ACACA: variants seen among roughly 807,000 people sequenced by gnomAD.
ACACA encodes the protein acetyl-CoA carboxylase alpha, also known as acetyl-CoA carboxylase 1.
A neutral mutation model predicts 296.1 loss-of-function variants in ACACA; 103 were observed. The observed-to-expected ratio is 0.35, with a 90% CI of 0.30 to 0.41. ACACA has a LOEUF of 0.41. Ranked by LOEUF, ACACA falls within the 10% of genes least tolerant of loss-of-function variation. The probability of loss-of-function intolerance (pLI) is 1.00; values close to 1 mark genes in which losing one functional copy is unlikely to be tolerated. For missense variants in ACACA, 1,554 were observed against 2,989.7 expected (o/e 0.52, Z 11.20); for synonymous variants, 953 against 1,038.6 (o/e 0.92, Z 1.58).
At position 37,275,978 on chromosome 17, in the gene ACACA, T is replaced by C; in HGVS notation, c.874A>G (p.Ile292Val). Reference protein sequence around the residue: ...ASSIVAQTAGIPTLPWSGSGL... With the variant: ...ASSIVAQTAGVPTLPWSGSGL... Reference sequence around the variant, plus strand: ...CTGCCGCTCCAGGGAAGAGTTGGGATACCTGCAGTTTGAGCCACTATGGAA... The same window carrying C: ...CTGCCGCTCCAGGGAAGAGTTGGGACACCTGCAGTTTGAGCCACTATGGAA... Residue 292 changes from isoleucine (I) to valine (V), a missense_variant, in exon 8 of 56, where the codon ATC (isoleucine) becomes GTC (valine). Physicochemically the swap from Ile to Val is conservative, Grantham distance 29. This residue lies in a region of ACACA where 47 missense variants were observed against 55.4 expected (regional missense o/e 0.85). Transcript: ENST00000616317. 2 of 1,614,214 alleles carry C rather than the reference T, an allele frequency of 1.2e-6. No homozygotes were observed. The highest frequency in any genetic ancestry group is 1.7e-6 in the Non-Finnish European group (2 of 1,180,018).
intron 3 of ACACA, among the ~76,000 whole-genome samples, chr17:37,294,030 C>A (rs577234280): frequency 3.3e-5 from 5 of 151,844 alleles, no homozygotes; most frequent in African/African-American, 1.2e-4. Context: ...TCACCTAAAC[C>A]TAAGTAACAG....
chr17:37,189,392 G>A (rs1462436944), intron 38 of ACACA, among the ~76,000 whole-genome samples: 1 of 152,096 alleles, frequency 6.6e-6, no homozygotes, highest in Non-Finnish European at 1.5e-5. Context: ...AGTAGCATGT[G>A]CCACCCTTGC....
intron 4 of ACACA, 52 bp from the exon 5 acceptor site, chr17:37,283,457 A>C (rs770873369): frequency 1.9e-5 from 30 of 1,596,952 alleles, no homozygotes; most frequent in Non-Finnish European, 2.6e-5. Flanking sequence ...AAAAAGCAAC[A>C]ATGGAGGAAA....
chr17:37,206,750 G>A (rs755964529), intron 32 of ACACA, 33 bp downstream of exon 32: 11 of 1,514,726 alleles, frequency 7.3e-6, no homozygotes, highest in African/African-American at 1.4e-5. Flanking sequence ...TGTCTGAGGG[G>A]AACAAAGCAG....
chr17:37,332,910 G>GA (rs58422225), intron 2 of ACACA, among the ~76,000 whole-genome samples: 2,834 of 76,786 alleles, frequency 0.037, 51 homozygotes, highest in Non-Finnish European at 0.052. Context: ...ACTCTGTCTA[G>GA]AAAAAAAAAA....
chr17:37,192,422 G>C, intron 36 of ACACA, 117 bp from the exon 37 acceptor site: 1 of 979,946 alleles, frequency 1.0e-6, no homozygotes, highest in African/African-American at 1.6e-5. Context: ...ATGTGCTAAT[G>C]AGCAACAAAA....
At chr17:37,250,743 C>A (rs911043376) in intron 16 of ACACA, among the ~76,000 whole-genome samples, 3 of 151,696 alleles carry the variant, frequency 2.0e-5, no homozygotes, top group Non-Finnish European at 4.4e-5. Flanking sequence ...AAAGGCCGGG[C>A]AGCCGGGCAC....
Position 37,113,205 on chromosome 17 carries a change from C to T in ACACA, c.6335G>A (p.Cys2112Tyr). Residue 2112 changes from cysteine (C) to tyrosine (Y), a missense_variant, in exon 51 of 56, where the codon TGC becomes TAC. Physicochemically the swap from Cys to Tyr is radical, Grantham distance 194 (BLOSUM62 -2). Around this residue, in one of 16 missense-constraint regions of ACACA, gnomAD observed 553 missense variants for 1,043.6 expected, o/e 0.53. Coordinates refer to ENST00000616317, the MANE Select transcript of ACACA (RefSeq NM_198834.3). This position sits in a 1 kb window ranked among gnomAD's most constrained non-coding sequence, Gnocchi z 4.0. ...AGGAATGTAAACCAGCACAGGCTGG[C>T]AGCACTCCCTCAAGCCATCCACAAT... is the stretch of plus-strand genomic sequence containing the variant. ...AYIVDGLREC[C>Y]QPVLVYIPPQ... 6.2e-7 allele frequency: 1 copy of T among 1,614,214 alleles called. No individual in the cohort carries two copies. The highest frequency in any genetic ancestry group is 8.5e-7 in the Non-Finnish European group (1 of 1,180,028).
chr17:37,176,754 A>G (rs1421725851), intron 41 of ACACA, among the ~76,000 whole-genome samples: 2 of 152,196 alleles, frequency 1.3e-5, no homozygotes, highest in Non-Finnish European at 2.9e-5. Context: ...CTCAGTGGAC[A>G]TGCTCCATTG....
chr17:37,364,572 CAGAG>C (rs941568340), intron 1 of ACACA, among the ~76,000 whole-genome samples: 2 of 130,438 alleles, frequency 1.5e-5, no homozygotes, highest in East Asian at 4.3e-4. Context: ...GCCTGGGAGA[CAGAG>C]AGAGACTCCG....
chr17:37,228,267 C>T (rs902602794), intron 25 of ACACA, among the ~76,000 whole-genome samples: 4 of 145,716 alleles, frequency 2.7e-5, no homozygotes, highest in African/African-American at 1.0e-4. Flanking sequence ...TTCCCTAATC[C>T]ACCAATCAGA....
chr17:37,224,965 G>GT (rs753213813), intron 27 of ACACA, 27 bp downstream of exon 27: 1 of 999,232 alleles, frequency 1.0e-6, no homozygotes, highest in African/African-American at 1.8e-5. Flanking sequence ...GCAGGAAAGG[G>GT]TTATATATAT....
chr17:37,271,157 C>T (rs2082049850), intron 9 of ACACA, among the ~76,000 whole-genome samples: 1 of 152,132 alleles, frequency 6.6e-6, no homozygotes, highest in Admixed American at 6.5e-5. Flanking sequence ...ATTATATATG[C>T]ATTCATACAC....
chr17:37,332,706 G>C (rs1180870497), intron 2 of ACACA, among the ~76,000 whole-genome samples: 1 of 151,960 alleles, frequency 6.6e-6, no homozygotes, highest in Non-Finnish European at 1.5e-5. Flanking sequence ...GAGGTCAGCA[G>C]TTCAACACCA....
intron 52 of ACACA, among the ~76,000 whole-genome samples, chr17:37,103,914 T>A (rs1201235852): frequency 1.3e-5 from 2 of 152,154 alleles, no homozygotes; most frequent in Non-Finnish European, 2.9e-5. Context: ...TGGTGAAGCG[T>A]GCCTGTAGTC....
At chr17:37,346,295 C>T (rs1387817665) in intron 1 of ACACA, among the ~76,000 whole-genome samples, 2 of 138,732 alleles carry the variant, frequency 1.4e-5, no homozygotes, top group African/African-American at 5.6e-5. Flanking sequence ...CCAGCCTGAC[C>T]AACAGAGCAA....
Position 37,406,728 on chromosome 17 carries a change from G to T in ACACA, c.-429C>A, listed in dbSNP as rs1448978321. 1.0e-5 allele frequency: 2 copies of T among 194,220 alleles called. No individual in the cohort carries two copies. Among genetic ancestry groups the T allele is most frequent in the Non-Finnish European group, 2.1e-5 (2 of 94,690 alleles). 12.0% of individuals were successfully genotyped at this position (194,220 alleles called of 1,614,324 possible). A position where few individuals can be genotyped will look rare whatever the true frequency, so the allele number is the denominator to read the frequency against. On this transcript the variant is annotated 5_prime_UTR_variant, in exon 1 of 56. Transcript: ENST00000616317. Reference sequence around the variant, plus strand: ...TCAGCCCCATCCTCCCAGTCCTCGGGCACGGGGACAGCAGCAGGCGCGCGG... The same window carrying T: ...TCAGCCCCATCCTCCCAGTCCTCGGTCACGGGGACAGCAGCAGGCGCGCGG...
intron 39 of ACACA, among the ~76,000 whole-genome samples, chr17:37,183,261 T>C (rs369303883): frequency 2.6e-5 from 4 of 152,166 alleles, no homozygotes; most frequent in East Asian, 1.9e-4. Flanking sequence ...AGGAAGGGGA[T>C]TGGAGAAAAC....
At chr17:37,144,287 C>T in intron 45 of ACACA, 2 of 601,714 alleles carry the variant, frequency 3.3e-6, no homozygotes, top group Admixed American at 2.2e-5. Context: ...ATCTCCTTTG[C>T]CCATGTTTAG....
Sources: gnomAD v4.1 joint callset for allele counts (sites outside exome capture counted in the v4.1 genomes callset) on GRCh38, gnomAD v4.1.1 for gene constraint, gnomAD v4.1.1 regional missense constraint, Gnocchi (gnomAD v3.1) non-coding constraint, MANE v1.5 for transcripts, NCBI Gene and HGNC (gene_info 2026-07-23, HGNC 2026-07-21) for gene names.